TMEM109: variants seen among roughly 807,000 people sequenced by gnomAD.
The protein encoded by TMEM109 is voltage-gated monoatomic cation channel TMEM109.
Under a neutral mutation model 26.4 loss-of-function variants are expected in TMEM109, and 19 were observed. That is an observed-to-expected ratio of 0.72 (90% CI 0.50 to 1.06). The LOEUF (loss-of-function observed/expected upper bound fraction) is 1.06, where lower values mean the gene tolerates loss of function less well. Ranked by LOEUF, TMEM109 falls within the 50% of genes least tolerant of loss-of-function variation. The pLI is 0.00. For synonymous variants in TMEM109, 129 were observed against 142.0 expected (o/e 0.91, Z 0.65); for missense variants, 262 against 303.4 (o/e 0.86, Z 1.01).
rs775322843 is a variant in TMEM109 at position 60,922,325 on chromosome 11, A to G, written c.*160A>G. On this transcript the variant is annotated 3_prime_UTR_variant, in exon 4 of 4. Coordinates refer to ENST00000227525, the MANE Select transcript of TMEM109 (RefSeq NM_024092.3). ...CCCACTAGCCAAGAGAAACAGAGAA[A>G]GACCATTCCCCCTGCCTGTCCTTGC... 1.2e-5 allele frequency: 19 copies of G among 1,537,190 alleles called. No homozygotes were observed. Among genetic ancestry groups the G allele is most frequent in the Non-Finnish European group, 1.6e-5 (18 of 1,146,632 alleles).
In TMEM109 at chr11:60,921,131, A is replaced by G. The variant is rs934486901; in HGVS notation, c.340+143A>G. On this transcript the variant is annotated intron_variant, in intron 3 of 3. Coordinates refer to ENST00000227525, the MANE Select transcript of TMEM109 (RefSeq NM_024092.3). ...TCTGCAGAGACATGGCCAAAGAGCA[A>G]GCCAAGAACTACCATGGCCAGGTGT... The G allele has an allele frequency of 8.4e-6, 6 of 711,188 alleles. No individual in the cohort carries two copies. In the African/African-American group the frequency reaches 1.1e-4, roughly 13 times the overall value. The allele number at this position is 711,188 out of a possible 1,614,324, so 44.1% of individuals were successfully genotyped here.
chr11:60,918,627 G>C (rs1374253145), intron 1 of TMEM109: 1 of 149,904 alleles, frequency 6.7e-6, no homozygotes, highest in Non-Finnish European at 1.5e-5. Context: ...TGGAGAAGGG[G>C]TCAAACTATT....
intron 2 of TMEM109, 43 bp from the exon 3 acceptor site, chr11:60,920,843 G>A (rs374702646): frequency 2.0e-5 from 31 of 1,529,818 alleles, no homozygotes; most frequent in South Asian, 1.9e-4. Context: ...GGCGAGGACC[G>A]TTGTTCATTA....
chr11:60,916,002 G>A (rs1236257163), intron 1 of TMEM109, among the ~76,000 whole-genome samples: 1 of 152,224 alleles, frequency 6.6e-6, no homozygotes, highest in East Asian at 1.9e-4. Flanking sequence ...CTCCTGGTAT[G>A]TGTTCCCTCG....
chr11:60,915,358 G>A (rs1856162197), intron 1 of TMEM109, among the ~76,000 whole-genome samples: 1 of 152,214 alleles, frequency 6.6e-6, no homozygotes, highest in Non-Finnish European at 1.5e-5. Flanking sequence ...CTTCTAGTCC[G>A]TGGCACACTT....
chr11:60,920,868 T>TC lies in TMEM109; in HGVS notation c.238-16dup. ...GTTGTTCATTATGAACTCATCTCGC[T>TC]CCGTGCTCTTTCCACAGTCTTCGTC... On this transcript the variant is annotated splice_polypyrimidine_tract_variant and intron_variant, in intron 2 of 3. Coordinates refer to ENST00000227525, the MANE Select transcript of TMEM109 (RefSeq NM_024092.3). The TC allele has an allele frequency of 6.2e-7, 1 of 1,608,394 alleles. No homozygotes were observed.
chr11:60,917,762 C>T (rs1280455506), intron 1 of TMEM109, among the ~76,000 whole-genome samples: 2 of 152,018 alleles, frequency 1.3e-5, no homozygotes, highest in Non-Finnish European at 2.9e-5. Context: ...CTCAAGTGAT[C>T]CTCCCCCCTC....
rs1856258033 is a variant in TMEM109, at chr11:60,922,498, A to T, written c.*333A>T. The T allele has an allele frequency of 4.0e-6, 3 of 749,108 alleles. No homozygotes were observed. Among genetic ancestry groups the T allele is most frequent in the African/African-American group, 1.8e-5 (1 of 56,240 alleles). The allele number at this position is 749,108 out of a possible 1,614,324, so 46.4% of individuals were successfully genotyped here. On this transcript the variant is annotated 3_prime_UTR_variant, in exon 4 of 4. Coordinates refer to ENST00000227525, the MANE Select transcript of TMEM109 (RefSeq NM_024092.3). Reference sequence around the variant, plus strand: ...ACATCACTGCCGTTGGTCTCTCATGACTTAACTGGCTTCCCTCTGCTGCTG... The same window carrying T: ...ACATCACTGCCGTTGGTCTCTCATGTCTTAACTGGCTTCCCTCTGCTGCTG...
At chr11:60,920,235 T>A (rs1158573950) in intron 2 of TMEM109, among the ~76,000 whole-genome samples, 2 of 152,194 alleles carry the variant, frequency 1.3e-5, no homozygotes, top group Non-Finnish European at 2.9e-5. Context: ...TTGGTCTAAA[T>A]CTGACCTAGA....
intron 1 of TMEM109, chr11:60,918,623 AG>A (rs1856199193): frequency 6.8e-6 from 1 of 147,958 alleles, no homozygotes; most frequent in African/African-American, 2.5e-5. Flanking sequence ...TTGGTGGAGA[AG>A]GGGTCAAACT....
In TMEM109 at chr11:60,920,945, G is replaced by C; in HGVS notation, c.297G>C (p.Leu99=). 2 of 1,614,224 alleles carry C rather than the reference G, an allele frequency of 1.2e-6. No individual in the cohort carries two copies. Among genetic ancestry groups the C allele is most frequent in the Non-Finnish European group, 1.7e-6 (2 of 1,180,034 alleles). ...SSAISVAFFA[L]SGIAAQLLNA... ...CCATTTCTGTGGCCTTCTTTGCTCT[G>C]TCTGGGATCGCCGCACAGCTGCTGA... is the stretch of plus-strand genomic sequence containing the variant. The change falls in exon 3 of 4, where the codon CTG becomes CTC. Residue 99 remains leucine, a synonymous_variant. Coordinates refer to ENST00000227525, the MANE Select transcript of TMEM109 (RefSeq NM_024092.3).
chr11:60,921,128 G>T (rs1856232373), intron 3 of TMEM109, 140 bp downstream of exon 3: 4 of 728,722 alleles, frequency 5.5e-6, no homozygotes, highest in Non-Finnish European at 9.0e-6. Context: ...TGGCCAAAGA[G>T]CAAGCCAAGA....
chr11:60,916,659 G>C (rs1856177833), intron 1 of TMEM109, among the ~76,000 whole-genome samples: 1 of 152,242 alleles, frequency 6.6e-6, no homozygotes, highest in Admixed American at 6.5e-5. Context: ...ACACAATCCT[G>C]TTAGGTTTGG....
chr11:60,922,084 A>C lies in TMEM109; in HGVS notation c.651A>C (p.Arg217=). The change falls in exon 4 of 4, where the codon CGA becomes CGC. Residue 217 remains arginine (R), a synonymous_variant. Coordinates refer to ENST00000227525, the MANE Select transcript of TMEM109 (RefSeq NM_024092.3). ...GGGCCCAACTCGAGGCCAAGGTGCGAGGGCTGGAACGCCAGGTGGAGGAGC... is the reference window on the plus strand; with the variant it reads ...GGGCCCAACTCGAGGCCAAGGTGCGCGGGCTGGAACGCCAGGTGGAGGAGC... ...ASGAQLEAKV[R]GLERQVEELR... is the part of the protein sequence containing the mutation. 2 of 1,613,306 alleles carry C rather than the reference A, an allele frequency of 1.2e-6. No individual in the cohort carries two copies. The highest frequency in any genetic ancestry group is 1.1e-5 in the South Asian group (1 of 91,068).
chr11:60,915,751 G>T (rs117766262), intron 1 of TMEM109, among the ~76,000 whole-genome samples: 3 of 152,122 alleles, frequency 2.0e-5, no homozygotes, highest in Non-Finnish European at 4.4e-5. Flanking sequence ...TGATTGGGAG[G>T]GGGGGGCGCG....
At position 60,923,358 on chromosome 11, in the gene TMEM109, T is replaced by A. The variant is rs984421181; in HGVS notation, c.*1193T>A. The A allele has an allele frequency of 3.3e-5, 5 of 152,700 alleles. No homozygotes were observed. The highest frequency in any genetic ancestry group is 4.8e-5 in the African/African-American group (2 of 41,474). The allele number at this position is 152,700 out of a possible 1,614,324, so 9.5% of individuals were successfully genotyped here. ...ATGTGGAATCACAGCTGCAGTGATA[T>A]ATATTTTTTATCAGTGCTTGGTTGG... is the stretch of plus-strand genomic sequence containing the variant. On this transcript the variant is annotated 3_prime_UTR_variant, in exon 4 of 4. Transcript: ENST00000227525.
chr11:60,921,635 AC>A, intron 3 of TMEM109, 138 bp from the exon 4 acceptor site: 1 of 688,004 alleles, frequency 1.5e-6, no homozygotes, highest in Non-Finnish European at 2.5e-6. Flanking sequence ...TGAGATTCCA[AC>A]CCATATCACT....
chr11:60,922,142 G>A lies in TMEM109; in HGVS notation c.709G>A (p.Ala237Thr), dbSNP rs1237830975. ...GCGCCAGAGGCGAGCGGCCAAGGGG[G>A]CCCGCAGTGTGGAGGAGGAGTGAGC... ...RWRQRRAAKG[A>T]RSVEEE The change falls in exon 4 of 4, where the codon GCC (alanine) becomes ACC (threonine). Residue 237 changes from alanine to threonine, a missense_variant. Transcript: ENST00000227525. The A allele has an allele frequency of 1.2e-6, 2 of 1,600,232 alleles. No individual in the cohort carries two copies. Among genetic ancestry groups the A allele is most frequent in the Admixed American group, 3.4e-5 (2 of 58,136 alleles).
At position 60,923,202 on chromosome 11, in the gene TMEM109, A is replaced by G. The variant is rs902716849; in HGVS notation, c.*1037A>G. 1.1e-4 allele frequency: 17 copies of G among 151,898 alleles called. No homozygotes were observed. Among genetic ancestry groups the G allele is most frequent in the African/African-American group, 3.9e-4 (16 of 41,160 alleles). The allele number at this position is 151,898 out of a possible 1,614,324, so 9.4% of individuals were successfully genotyped here. A position where few individuals can be genotyped will look rare whatever the true frequency, so the allele number is the denominator to read the frequency against. ...GGTGAGCTGCCAGCTGCCCCTCTCC[A>G]CCAGGGTACCCTGTCTTGGTGGTTA... On this transcript the variant is annotated 3_prime_UTR_variant, in exon 4 of 4. Coordinates refer to ENST00000227525, the MANE Select transcript of TMEM109 (RefSeq NM_024092.3).
Sources: gnomAD v4.1 joint callset for allele counts (sites outside exome capture counted in the v4.1 genomes callset) on GRCh38, gnomAD v4.1.1 for gene constraint, MANE v1.5 for transcripts, NCBI Gene and HGNC (gene_info 2026-07-23, HGNC 2026-07-21) for gene names.